Variants in MYPN observed in about 807,000 individuals in gnomAD.
The protein encoded by MYPN is sarcomeric protein myopalladin, 145 kDa (MYOP).
A neutral mutation model predicts 129.4 loss-of-function variants in MYPN; 63 were observed. The ratio of observed to expected loss-of-function variants is 0.49; its 90% CI spans 0.40 to 0.60. The LOEUF is 0.60. Ranked by LOEUF, MYPN falls within the 20% of genes least tolerant of loss-of-function variation. The pLI is 0.00. For missense variants in MYPN, 1,596 were observed against 1,635.4 expected (o/e 0.98, Z 0.42); for synonymous variants, 629 against 600.9 (o/e 1.05, Z -0.68).
In MYPN at chr10:68,166,565, G is replaced by A. The variant is rs1216057786; in HGVS notation, c.1872G>A (p.Arg624=). The A allele has an allele frequency of 6.2e-7, 1 of 1,614,022 alleles. No individual in the cohort carries two copies. Among genetic ancestry groups the A allele is most frequent in the African/African-American group, 1.3e-5 (1 of 74,910 alleles). The change falls in exon 10 of 20, where the codon AGG becomes AGA. Residue 624 remains arginine (R), a synonymous_variant. Transcript: ENST00000358913. ...GTGTGGTGACCACCAGACAGACCAGGCCCGATTCTTTCCAGGAGAGGTTCA... is the reference window on the plus strand; with the variant it reads ...GTGTGGTGACCACCAGACAGACCAGACCCGATTCTTTCCAGGAGAGGTTCA... ...EAGVVTTRQT[R]PDSFQERFNG...
chr10:68,115,258 CAAAAAAA>C (rs58484168), intron 1 of MYPN, among the ~76,000 whole-genome samples: 2 of 53,654 alleles, frequency 3.7e-5, no homozygotes, highest in East Asian at 5.1e-4. Flanking sequence ...AACTCCATCT[CAAAAAAA>C]AAAAAAAAAA....
rs150817333 is a variant in MYPN at position 68,093,054 on chromosome 10, A to C, written c.-2+5062A>C. Among the ~76,000 whole-genome samples the C allele has an allele frequency of 3.3e-5, 5 of 152,154 alleles. No individual in the cohort carries two copies. In the East Asian group the frequency reaches 9.7e-4, roughly 29 times the overall value. On this transcript the variant is annotated intron_variant, in intron 1 of 6. Transcript: ENST00000685154. ...AAAACAGATAATTTTTATTTTTTTT[A>C]GTAGAGATGAAGTCTCACTATATTG...
chr10:68,193,343 A>G (rs1158861078), intron 13 of MYPN, among the ~76,000 whole-genome samples: 2 of 152,172 alleles, frequency 1.3e-5, no homozygotes, highest in Admixed American at 1.3e-4. Flanking sequence ...GTAAGTTCAA[A>G]TTTTAATAAA....
chr10:68,210,660 C>A lies in MYPN; in HGVS notation c.*205C>A. 1.5e-6 allele frequency: 1 copy of A among 682,406 alleles called. No individual in the cohort carries two copies. Among genetic ancestry groups the A allele is most frequent in the Non-Finnish European group, 2.7e-6 (1 of 375,016 alleles). 42.3% of individuals were successfully genotyped at this position (682,406 alleles called of 1,614,324 possible). On this transcript the variant is annotated 3_prime_UTR_variant, in exon 20 of 20. Coordinates refer to ENST00000358913, the MANE Select transcript of MYPN (RefSeq NM_032578.4). ...GTAGGGCTGTGCCTTCTAAAGATTC[C>A]AACAGAGATGTGAGAAGATAATACA...
chr10:68,097,985 C>A (rs1372566238), intron 1 of MYPN, among the ~76,000 whole-genome samples: 1 of 152,176 alleles, frequency 6.6e-6, no homozygotes, highest in African/African-American at 2.4e-5. Context: ...GTGGCTCATG[C>A]CTGTAATCCT....
intron 2 of MYPN, chr10:68,136,654 G>C: frequency 2.0e-6 from 3 of 1,534,782 alleles, no homozygotes; most frequent in Non-Finnish European, 2.6e-6. Context: ...TTCTGACAGA[G>C]AGTTTGGGCA....
chr10:68,134,231 G>C (rs1186207435), intron 2 of MYPN, among the ~76,000 whole-genome samples: 2 of 151,976 alleles, frequency 1.3e-5, no homozygotes, highest in Non-Finnish European at 2.9e-5. Flanking sequence ...CCAAATACTT[G>C]GGATTCATCA....
At chr10:68,142,305 G>A (rs771933847) in intron 2 of MYPN, among the ~76,000 whole-genome samples, 24 of 151,856 alleles carry the variant, frequency 1.6e-4, no homozygotes, top group Non-Finnish European at 3.4e-4. Context: ...TAGTATTTTT[G>A]GTAAACTTTG....
At chr10:68,178,338 A>G (rs2043260265) in intron 12 of MYPN, among the ~76,000 whole-genome samples, 1 of 152,232 alleles carries the variant, frequency 6.6e-6, no homozygotes, top group African/African-American at 2.4e-5. Flanking sequence ...GAAGAGTACC[A>G]TTCATCACCA....
chr10:68,089,441 A>G (rs1362208028), intron 1 of MYPN, among the ~76,000 whole-genome samples: 1 of 152,086 alleles, frequency 6.6e-6, no homozygotes, highest in East Asian at 1.9e-4. Flanking sequence ...TCCCGGGTTC[A>G]TGCCATTCTC....
chr10:68,130,982 C>T lies in MYPN; in HGVS notation c.902+8642C>T, dbSNP rs374292664. 1.4e-3 allele frequency among the ~76,000 whole-genome samples: 206 copies of T among 152,254 alleles called. 1 individual carries two copies. The South Asian group carries it at 0.016, about 12-fold the overall frequency. ...TTATTTTCCTGTGATTTATTTATCT[C>T]GCTATAATAGGCTTTTCACAGCTCT... On this transcript the variant is annotated intron_variant, in intron 2 of 19. Coordinates refer to ENST00000358913, the MANE Select transcript of MYPN (RefSeq NM_032578.4).
Position 68,112,464 on chromosome 10 carries a change from T to C in MYPN, c.-2+2741T>C, listed in dbSNP as rs147910577. ...ACTTTTACCAATTCGATTAAAATAA[T>C]AATAAGAAAATGGCCTACTCACCTT... On this transcript the variant is annotated intron_variant, in intron 1 of 19. Coordinates refer to ENST00000358913, the MANE Select transcript of MYPN (RefSeq NM_032578.4). Among the ~76,000 whole-genome samples the C allele has an allele frequency of 1.2e-3, 186 of 152,284 alleles. 1 individual carries two copies. The highest frequency in any genetic ancestry group is 4.2e-3 in the African/African-American group (176 of 41,564).
chr10:68,201,900 G>A lies in MYPN; in HGVS notation c.3565G>A (p.Val1189Met), dbSNP rs776313364. Residue 1189 changes from valine to methionine, a missense_variant, in exon 18 of 20, where the codon GTG becomes ATG. Coordinates refer to ENST00000358913, the MANE Select transcript of MYPN (RefSeq NM_032578.4). ...CTGCGGTGTTCCCGAAGGCCACCCC[G>A]TGAGACTGGAGTGCCGCGTGATAGG... ...QNCGVPEGHP[V>M]RLECRVIGMP... The A allele has an allele frequency of 3.1e-6, 5 of 1,614,120 alleles. No individual in the cohort carries two copies. The highest frequency in any genetic ancestry group is 1.7e-5 in the Admixed American group (1 of 60,012).
intron 1 of MYPN, among the ~76,000 whole-genome samples, chr10:68,112,082 A>G (rs1186601660): frequency 6.6e-6 from 1 of 152,198 alleles, no homozygotes; most frequent in Admixed American, 6.5e-5. Context: ...GATTTCCTTT[A>G]TAACAGTTTG....
chr10:68,106,901 G>A (rs754545363), upstream of MYPN: 139 of 688,500 alleles, frequency 2.0e-4, no homozygotes, highest in Non-Finnish European at 1.5e-4. Flanking sequence ...TGTGTTGGAT[G>A]AGCCACTCAA....
At chr10:68,203,423 TAA>T (rs201610459) in intron 18 of MYPN, among the ~76,000 whole-genome samples, 25 of 146,010 alleles carry the variant, frequency 1.7e-4, no homozygotes, top group African/African-American at 6.0e-4. Flanking sequence ...ACCCCATCTC[TAA>T]AAAAAAAAAA....
upstream of MYPN, among the ~76,000 whole-genome samples, chr10:68,105,517 C>T (rs1311389679): frequency 6.6e-6 from 1 of 152,160 alleles, no homozygotes; most frequent in African/African-American, 2.4e-5. Context: ...GTAACTTAGT[C>T]TCAGAGTGCT....
chr10:68,188,028 G>A (rs2043448358), intron 12 of MYPN, among the ~76,000 whole-genome samples: 1 of 150,460 alleles, frequency 6.6e-6, no homozygotes, highest in African/African-American at 2.4e-5. Flanking sequence ...AACATTAGAG[G>A]ATTATTTCAC....
At chr10:68,100,487 C>T (rs534019706) in intron 1 of MYPN, among the ~76,000 whole-genome samples, 6 of 152,160 alleles carry the variant, frequency 3.9e-5, no homozygotes, top group East Asian at 1.9e-4. Context: ...AACTGCCCAT[C>T]GGCGATGAGG....
Sources: gnomAD v4.1 joint callset for allele counts (sites outside exome capture counted in the v4.1 genomes callset) on GRCh38, gnomAD v4.1.1 for gene constraint, MANE v1.5 for transcripts, NCBI Gene and HGNC (gene_info 2026-07-23, HGNC 2026-07-21) for gene names.